Variants in ELAPOR2 observed in about 807,000 individuals in gnomAD.
The protein encoded by ELAPOR2 is endosome/lysosome-associated apoptosis and autophagy regulator family member 2.
Under a neutral mutation model 120.7 loss-of-function variants are expected in ELAPOR2, and 89 were observed. That is an observed-to-expected ratio of 0.74 (90% CI 0.62 to 0.88). The LOEUF (loss-of-function observed/expected upper bound fraction) is 0.88. Ranked by LOEUF, ELAPOR2 falls within the 40% of genes least tolerant of loss-of-function variation. The pLI is 0.00. For synonymous variants in ELAPOR2, 444 were observed against 444.9 expected, an observed-to-expected ratio of 1.00 and a Z score of 0.03; for missense variants, 1,134 against 1,251.6, an observed-to-expected ratio of 0.91 and a Z score of 1.42.
chr7:86,931,661 T>C (rs1790334171), intron 8 of ELAPOR2, among the ~76,000 whole-genome samples: 1 of 151,878 alleles, frequency 6.6e-6, no homozygotes, highest in Admixed American at 6.6e-5. Context: ...GGTACTATAC[T>C]AGGCTTAGAG....
intron 1 of ELAPOR2, among the ~76,000 whole-genome samples, chr7:86,972,824 C>T (rs1792151927): frequency 1.3e-5 from 2 of 152,024 alleles, no homozygotes; most frequent in South Asian, 2.1e-4. Flanking sequence ...CTCTTTCCCA[C>T]ATCATTTCAG....
At chr7:86,891,605 T>A (rs559585737) in intron 21 of ELAPOR2, 119 bp downstream of exon 21, 1 of 744,820 alleles carries the variant, frequency 1.3e-6, no homozygotes, top group African/African-American at 1.8e-5. Flanking sequence ...TTCTGTTGGA[T>A]AAATACCCAC....
intron 1 of ELAPOR2, among the ~76,000 whole-genome samples, chr7:87,011,221 T>TCGCGCCACTGCACTCCG (rs56074608): frequency 1.4e-5 from 2 of 138,102 alleles, no homozygotes; most frequent in Non-Finnish European, 3.1e-5. Context: ...TGAGCCAAGA[T>TCGCGCCACTGCACTCCG]GCATGGCGAC....
At chr7:86,904,806 T>C (rs1788894364) in intron 18 of ELAPOR2, among the ~76,000 whole-genome samples, 1 of 152,144 alleles carries the variant, frequency 6.6e-6, no homozygotes, top group Non-Finnish European at 1.5e-5. Flanking sequence ...CACCAAGATA[T>C]AAAACCCCAA....
chr7:86,974,047 T>C (rs1216248101), intron 1 of ELAPOR2, among the ~76,000 whole-genome samples: 1 of 152,258 alleles, frequency 6.6e-6, no homozygotes, highest in Admixed American at 6.5e-5. Context: ...AATTTTCTTT[T>C]TTTTTTAATT....
intron 1 of ELAPOR2, among the ~76,000 whole-genome samples, chr7:87,024,179 A>G (rs1794162838): frequency 1.3e-5 from 2 of 152,190 alleles, no homozygotes; most frequent in African/African-American, 4.8e-5. Flanking sequence ...TTGCCCATTC[A>G]GTATGATATT....
intron 4 of ELAPOR2, among the ~76,000 whole-genome samples, chr7:86,943,509 A>G: frequency 6.6e-6 from 1 of 152,000 alleles, no homozygotes; most frequent in South Asian, 2.1e-4. Context: ...CTAAAGCTGA[A>G]ACATCAATAG....
chr7:86,882,913 C>A (rs1799482256), intron 21 of ELAPOR2, among the ~76,000 whole-genome samples: 1 of 152,094 alleles, frequency 6.6e-6, no homozygotes, highest in South Asian at 2.1e-4. Context: ...CAACTTCCCC[C>A]AGAAGGTTTT....
chr7:87,053,750 A>T (rs1299945706), intron 1 of ELAPOR2, among the ~76,000 whole-genome samples: 1 of 152,150 alleles, frequency 6.6e-6, no homozygotes, highest in Non-Finnish European at 1.5e-5. Context: ...GGATATAGGG[A>T]TGGATCTAGG....
At position 86,887,886 on chromosome 7, in the gene ELAPOR2, C is replaced by T. The variant is rs190771170; in HGVS notation, c.3030+3838G>A. ...GGAAGAACACACATACACATACATA[C>T]ACACAGACAGACACACATATACACC... On this transcript the variant is annotated intron_variant, in intron 21 of 21. Transcript: ENST00000450689. Among the ~76,000 whole-genome samples the T allele has an allele frequency of 1.2e-3, 184 of 152,160 alleles. 1 individual carries two copies. The highest frequency in any genetic ancestry group is 4.2e-3 in the African/African-American group (173 of 41,530).
intron 2 of ELAPOR2, among the ~76,000 whole-genome samples, chr7:86,959,469 T>C (rs1791617819): frequency 6.6e-6 from 1 of 152,222 alleles, no homozygotes; most frequent in African/African-American, 2.4e-5. Context: ...GCTTGTCCTA[T>C]ATGGCCTTTA....
intron 10 of ELAPOR2, among the ~76,000 whole-genome samples, chr7:86,920,137 A>C (rs1789760049): frequency 6.6e-6 from 1 of 152,162 alleles, no homozygotes; most frequent in Admixed American, 6.6e-5. Flanking sequence ...TGCTAGACTG[A>C]CTTGGCGATT....
chr7:87,052,398 C>T (rs11768321), intron 1 of ELAPOR2, among the ~76,000 whole-genome samples: 73,080 of 151,968 alleles, frequency 0.48, 17,763 homozygotes, highest in East Asian at 0.56. Context: ...TGTGAAATAA[C>T]TGCCCCCATG....
At chr7:87,048,228 G>T (rs1444330609) in intron 1 of ELAPOR2, among the ~76,000 whole-genome samples, 2 of 150,886 alleles carry the variant, frequency 1.3e-5, no homozygotes, top group Non-Finnish European at 2.9e-5. Flanking sequence ...TGGCGACAGA[G>T]TGAGACTTCA....
At chr7:86,960,546 C>T (rs190435713) in intron 2 of ELAPOR2, among the ~76,000 whole-genome samples, 2 of 152,282 alleles carry the variant, frequency 1.3e-5, no homozygotes, top group East Asian at 3.9e-4. Flanking sequence ...CCACCACACC[C>T]AGCCTGCTGT....
rs1799229195 is a variant in ELAPOR2, at chr7:86,877,909, C to A, written c.*2562G>T. 1 of 152,094 alleles carries A rather than the reference C, an allele frequency of 6.6e-6. No homozygotes were observed. 9.4% of individuals were successfully genotyped at this position (152,094 alleles called of 1,614,324 possible). A position where few individuals can be genotyped will look rare whatever the true frequency, so the allele number is the denominator to read the frequency against. ...ATAATGAAATTCAGGTTTTTTAATT[C>A]AGTGAACACATATCAAAATGCTCAA... On this transcript the variant is annotated 3_prime_UTR_variant, in exon 22 of 22. Coordinates refer to ENST00000450689, the MANE Select transcript of ELAPOR2 (RefSeq NM_001142749.3).
intron 1 of ELAPOR2, among the ~76,000 whole-genome samples, chr7:87,030,583 T>A (rs1342251071): frequency 6.6e-6 from 1 of 152,210 alleles, no homozygotes; most frequent in Non-Finnish European, 1.5e-5. Context: ...GGTTTCTCCA[T>A]ACATTATGAA....
In ELAPOR2 at chr7:86,876,974, T is replaced by A. The variant is rs1799191711; in HGVS notation, c.*3497A>T. ...CCATCCATTTACATTTTGTATGTGG[T>A]TGCTTTCATACTACAATGGCAGAGT... On this transcript the variant is annotated 3_prime_UTR_variant, in exon 22 of 22. Transcript: ENST00000450689. 1 of 152,200 alleles carries A rather than the reference T, an allele frequency of 6.6e-6. No homozygotes were observed. The highest frequency in any genetic ancestry group is 2.1e-4 in the South Asian group (1 of 4,832). 9.4% of individuals were successfully genotyped at this position (152,200 alleles called of 1,614,324 possible).
At chr7:86,942,904 A>G (rs556054822) in intron 4 of ELAPOR2, among the ~76,000 whole-genome samples, 3 of 152,074 alleles carry the variant, frequency 2.0e-5, no homozygotes, top group East Asian at 1.9e-4. Flanking sequence ...TCTCTAAATC[A>G]TTTTGTTTCT....
Sources: allele counts gnomAD v4.1 joint callset (sites outside exome capture counted in the v4.1 genomes callset), GRCh38; gene constraint gnomAD v4.1.1; transcripts MANE v1.5; gene names NCBI Gene and HGNC (gene_info 2026-07-23, HGNC 2026-07-21).